The following RASGRF1 variants were observed in gnomAD, a reference collection of about 807,000 sequenced individuals.
RASGRF1 encodes the protein ras-specific guanine nucleotide-releasing factor 1.
RASGRF1 carries 40 observed loss-of-function variants against 138.7 expected under a neutral mutation model. The ratio of observed to expected loss-of-function variants is 0.29; its 90% CI spans 0.22 to 0.38. The LOEUF is 0.38. Ranked by LOEUF, RASGRF1 falls within the 10% of genes least tolerant of loss-of-function variation. RASGRF1 has a pLI of 1.00. For missense variants in RASGRF1, 1,108 were observed against 1,650.4 expected (o/e 0.67, Z 5.69); for synonymous variants, 614 against 663.2 (o/e 0.93, Z 1.14).
At position 79,064,471 on chromosome 15, in the gene RASGRF1, G is replaced by C; in HGVS notation, c.332C>G (p.Thr111Arg). 6.2e-7 allele frequency: 1 copy of C among 1,614,182 alleles called. No individual in the cohort carries two copies. Among genetic ancestry groups the C allele is most frequent in the Non-Finnish European group, 8.5e-7 (1 of 1,180,024 alleles). The change falls in exon 2 of 27, where the codon ACA becomes AGA. Residue 111 changes from threonine (T) to arginine (R), a missense_variant. Thr to Arg is a moderately conservative substitution (Grantham distance 71, BLOSUM62 -1). Coordinates refer to ENST00000558480, the MANE Select transcript of RASGRF1 (RefSeq NM_001145648.3). Reference protein sequence around the residue: ...HENQKALELRTEDAKDCDEWV... With the variant: ...HENQKALELRREDAKDCDEWV... The stretch of plus-strand genomic sequence containing the variant: ...TTCGTCACAATCTTTTGCGTCCTCT[G>C]TCCTCAGCTCCAAGGCTTTCTGGTT...
chr15:79,068,548 C>T (rs1409157813), intron 1 of RASGRF1, among the ~76,000 whole-genome samples: 4 of 147,806 alleles, frequency 2.7e-5, no homozygotes, highest in East Asian at 3.9e-4. Flanking sequence ...CATATATATA[C>T]ACATGCTTTT....
intron 15 of RASGRF1, among the ~76,000 whole-genome samples, chr15:79,002,909 C>T (rs2056567299): frequency 1.3e-5 from 2 of 152,264 alleles, no homozygotes; most frequent in Admixed American, 1.3e-4. Flanking sequence ...CCTGGGGCGT[C>T]TGACCAGCCC....
At chr15:79,011,856 T>C (rs949680236) in intron 13 of RASGRF1, among the ~76,000 whole-genome samples, 1 of 151,994 alleles carries the variant, frequency 6.6e-6, no homozygotes. Context: ...GTGTTTGTAA[T>C]TGATACACTA....
intron 8 of RASGRF1, among the ~76,000 whole-genome samples, chr15:79,030,385 G>T (rs1209463880): frequency 6.6e-6 from 1 of 152,088 alleles, no homozygotes; most frequent in Admixed American, 6.5e-5. Context: ...CATACCCCCG[G>T]GCTCAGCTTC....
intron 26 of RASGRF1, among the ~76,000 whole-genome samples, chr15:78,964,678 A>G (rs1364864113): frequency 6.6e-6 from 1 of 152,158 alleles, no homozygotes; most frequent in Non-Finnish European, 1.5e-5. Flanking sequence ...ACCCTCAAAT[A>G]CTGCTGAGTT....
chr15:79,059,316 A>T (rs577125320), intron 2 of RASGRF1, among the ~76,000 whole-genome samples: 9 of 54,148 alleles, frequency 1.7e-4, no homozygotes, highest in African/African-American at 1.4e-4. Context: ...TCCCTTCCCT[A>T]TCCTTCCCTT....
intron 8 of RASGRF1, among the ~76,000 whole-genome samples, chr15:79,028,634 G>C (rs2057094886): frequency 6.6e-6 from 1 of 152,158 alleles, no homozygotes; most frequent in Admixed American, 6.5e-5. Flanking sequence ...GTTTCCAGGA[G>C]TCTTGGGAAG....
chr15:79,086,592 T>G (rs2057984091), intron 1 of RASGRF1, among the ~76,000 whole-genome samples: 1 of 151,356 alleles, frequency 6.6e-6, no homozygotes, highest in Non-Finnish European at 1.5e-5. Context: ...CCCCCCAGCT[T>G]CTGGGACCTC....
At chr15:78,964,844 A>C (rs981351560) in intron 26 of RASGRF1, among the ~76,000 whole-genome samples, 4 of 152,118 alleles carry the variant, frequency 2.6e-5, no homozygotes, top group African/African-American at 9.7e-5. Context: ...AGAATACAAA[A>C]GTACTTTTCC....
intron 10 of RASGRF1, among the ~76,000 whole-genome samples, chr15:79,021,687 T>C (rs1280749270): frequency 6.6e-6 from 1 of 152,236 alleles, no homozygotes; most frequent in Non-Finnish European, 1.5e-5. Context: ...ACACAGACTC[T>C]GGAGCCAGAC....
chr15:79,056,045 C>T (rs567570384), intron 3 of RASGRF1, among the ~76,000 whole-genome samples: 8 of 152,272 alleles, frequency 5.3e-5, no homozygotes, highest in African/African-American at 1.9e-4. Context: ...GAGCAGACAG[C>T]AGGGAGCACC....
intron 1 of RASGRF1, among the ~76,000 whole-genome samples, chr15:79,072,305 T>C (rs2057771157): frequency 8.0e-6 from 1 of 124,612 alleles, no homozygotes; most frequent in African/African-American, 2.9e-5. Context: ...AGACGCAGTC[T>C]CACTCTGTTG....
chr15:79,051,767 T>C (rs192301822), intron 3 of RASGRF1, among the ~76,000 whole-genome samples: 2 of 152,166 alleles, frequency 1.3e-5, no homozygotes, highest in African/African-American at 4.8e-5. Flanking sequence ...AACAAAAACT[T>C]TGGAGGCTTT....
intron 1 of RASGRF1, among the ~76,000 whole-genome samples, chr15:79,064,818 C>T (rs923221348): frequency 3.3e-5 from 5 of 152,212 alleles, no homozygotes; most frequent in Admixed American, 6.5e-5. Flanking sequence ...AATCATCAGG[C>T]GCGCTGGAGG....
At chr15:79,071,590 G>A (rs532187302) in intron 1 of RASGRF1, among the ~76,000 whole-genome samples, 10 of 150,708 alleles carry the variant, frequency 6.6e-5, no homozygotes, top group African/African-American at 1.5e-4. Context: ...GGCTGGTCTC[G>A]AACACCTGTC....
intron 13 of RASGRF1, among the ~76,000 whole-genome samples, chr15:79,007,726 A>G (rs1206512065): frequency 6.6e-6 from 1 of 150,660 alleles, no homozygotes; most frequent in Non-Finnish European, 1.5e-5. Flanking sequence ...TAATTTTTGT[A>G]TTTTTTGGTA....
chr15:79,015,192 T>A, intron 13 of RASGRF1, 135 bp downstream of exon 13: 1 of 763,582 alleles, frequency 1.3e-6, no homozygotes, highest in South Asian at 2.1e-5. Flanking sequence ...CAAGAAAACA[T>A]CCAAAACACC....
At chr15:79,022,991 G>A (rs1330498947) in intron 10 of RASGRF1, among the ~76,000 whole-genome samples, 11 of 152,080 alleles carry the variant, frequency 7.2e-5, no homozygotes, top group Admixed American at 4.6e-4. Context: ...TGGCTAACAC[G>A]GTGAAACCCC....
At chr15:78,971,600 T>C (rs984874139) in intron 26 of RASGRF1, among the ~76,000 whole-genome samples, 4 of 152,228 alleles carry the variant, frequency 2.6e-5, no homozygotes, top group African/African-American at 9.6e-5. Flanking sequence ...TGTTATCAAC[T>C]CTGCCTGTCT....
Sources: allele counts gnomAD v4.1 joint callset (sites outside exome capture counted in the v4.1 genomes callset), GRCh38; gene constraint gnomAD v4.1.1; transcripts MANE v1.5; gene names NCBI Gene and HGNC (gene_info 2026-07-23, HGNC 2026-07-21).